CARHSP1: variants seen among roughly 807,000 people sequenced by gnomAD.
CARHSP1 encodes calcium-regulated heat-stable protein 1.
Under a neutral mutation model 12.5 loss-of-function variants are expected in CARHSP1, and 14 were observed. The observed-to-expected ratio is 1.12, with a 90% CI of 0.74 to 1.75. The LOEUF is 1.75. CARHSP1 is among the 40% of genes most tolerant of loss of function. The pLI, the probability that CARHSP1 is intolerant of heterozygous loss-of-function variation, is 0.00. For missense variants in CARHSP1, 343 were observed against 201.6 expected (o/e 1.70, Z -4.25); for synonymous variants, 161 against 82.0 (o/e 1.96, Z -5.20).
intron 1 of CARHSP1, among the ~76,000 whole-genome samples, chr16:8,862,681 C>T (rs1340865822): frequency 5.3e-5 from 8 of 152,106 alleles, no homozygotes; most frequent in Admixed American, 5.2e-4. Flanking sequence ...AGGGAACAGC[C>T]TGTGCAAAGG....
intron 3 of CARHSP1, chr16:8,857,911 G>A (rs1302904810): frequency 2.5e-5 from 4 of 161,732 alleles, no homozygotes; most frequent in Admixed American, 5.9e-5. Context: ...ACAGGTGCCC[G>A]CCACCATGCC....
intron 3 of CARHSP1, 122 bp downstream of exon 3, chr16:8,858,228 A>G: frequency 8.3e-7 from 1 of 1,200,784 alleles, no homozygotes; most frequent in Non-Finnish European, 1.2e-6. Context: ...AGGCAGAGTC[A>G]CACAGGCCCA....
chr16:8,855,065 A>T lies in CARHSP1; in HGVS notation c.*99T>A. On this transcript the variant is annotated 3_prime_UTR_variant, in exon 4 of 4. Transcript: ENST00000311052. ...CTTGAGAGGGACCATGCCCGGCTGA[A>T]GCCCCGTCTCGTGTGGAAGAATGTC... The T allele has an allele frequency of 8.9e-7, 1 of 1,128,034 alleles. No individual in the cohort carries two copies. Among genetic ancestry groups the T allele is most frequent in the Non-Finnish European group, 1.2e-6 (1 of 830,380 alleles). The allele number at this position is 1,128,034 out of a possible 1,614,324, so 69.9% of individuals were successfully genotyped here. A position where few individuals can be genotyped will look rare whatever the true frequency, so the allele number is the denominator to read the frequency against.
chr16:8,855,191 G>A lies in CARHSP1; in HGVS notation c.417C>T (p.Thr139=), dbSNP rs767320978. The part of the protein sequence containing the change: ...THLAPGTKHE[T]WSGHVISS ...AGGAGCTGATGACATGTCCAGACCA[G>A]GTCTCATGCTTGGTGCCTGGTGCCA... The change falls in exon 4 of 4, where the codon ACC becomes ACT. Residue 139 remains threonine (T), a synonymous_variant. Coordinates refer to ENST00000311052, the MANE Select transcript of CARHSP1 (RefSeq NM_014316.4). The A allele has an allele frequency of 6.2e-7, 1 of 1,611,500 alleles. No homozygotes were observed. Among genetic ancestry groups the A allele is most frequent in the Middle Eastern group, 1.7e-4 (1 of 6,052 alleles).
At chr16:8,866,540 G>A (rs759319900) in intron 1 of CARHSP1, 39 of 880,016 alleles carry the variant, frequency 4.4e-5, no homozygotes, top group Admixed American at 1.2e-4. Flanking sequence ...GCCGAGAGGC[G>A]GGGCGGGTCA....
intron 1 of CARHSP1, chr16:8,860,470 G>C: frequency 1.0e-6 from 1 of 985,402 alleles, no homozygotes; most frequent in Non-Finnish European, 1.2e-6. Flanking sequence ...GAAGGTGTCG[G>C]CTCTAACGTG....
chr16:8,859,347 A>G lies in CARHSP1; in HGVS notation c.-7-12T>C. 1 of 1,594,958 alleles carries G rather than the reference A, an allele frequency of 6.3e-7. No homozygotes were observed. Among genetic ancestry groups the G allele is most frequent in the Non-Finnish European group, 8.5e-7 (1 of 1,177,028 alleles). On this transcript the variant is annotated splice_polypyrimidine_tract_variant and intron_variant, in intron 1 of 3. Transcript: ENST00000311052. Reference sequence around the variant, plus strand: ...ATGACATGGCTGACCTGGAAAGAGAAGAGGCTGTCAGGGGCTCGTGCCTTG... The same window carrying G: ...ATGACATGGCTGACCTGGAAAGAGAGGAGGCTGTCAGGGGCTCGTGCCTTG...
At chr16:8,860,187 T>A in intron 1 of CARHSP1, 1 of 985,418 alleles carries the variant, frequency 1.0e-6, no homozygotes, top group Non-Finnish European at 1.2e-6. Context: ...TGAGCAGCTG[T>A]CACAAGCCTG....
At position 8,859,215 on chromosome 16, in the gene CARHSP1, C is replaced by A; in HGVS notation, c.114G>T (p.Val38=). The change falls in exon 2 of 4, where the codon GTG becomes GTT. Residue 38 remains valine, a synonymous_variant. Transcript: ENST00000311052. ...GGCGAGTGGGCAGTGGGCTTGGGACCACGTTGCCCCGCAGAGGGGATGGTG... is the reference window on the plus strand; with the variant it reads ...GGCGAGTGGGCAGTGGGCTTGGGACAACGTTGCCCCGCAGAGGGGATGGTG... ...ERSPSPLRGN[V]VPSPLPTRRT... 6.2e-7 allele frequency: 1 copy of A among 1,602,480 alleles called. No individual in the cohort carries two copies. The highest frequency in any genetic ancestry group is 8.5e-7 in the Non-Finnish European group (1 of 1,176,264).
chr16:8,863,112 C>CT (rs71155412), intron 1 of CARHSP1, among the ~76,000 whole-genome samples: 27,487 of 73,888 alleles, frequency 0.37, 7,661 homozygotes, highest in Non-Finnish European at 0.47. Flanking sequence ...ACAAGGATGG[C>CT]TTTTTTTTTT....
rs1384287323 is a variant in CARHSP1 at position 8,853,536 on chromosome 16, C to G, written c.*1628G>C. The G allele has an allele frequency of 6.6e-6, 1 of 152,190 alleles. No homozygotes were observed. The highest frequency in any genetic ancestry group is 1.5e-5 in the Non-Finnish European group (1 of 68,046). 9.4% of individuals were successfully genotyped at this position (152,190 alleles called of 1,614,324 possible). ...CTTCCACCCCCTTAGGCTGAAAGGA[C>G]AAACTCATCAGAGTTGAGGAGTACC... On this transcript the variant is annotated 3_prime_UTR_variant, in exon 4 of 4. Coordinates refer to ENST00000311052, the MANE Select transcript of CARHSP1 (RefSeq NM_014316.4).
chr16:8,866,341 G>T, intron 1 of CARHSP1: 2 of 751,482 alleles, frequency 2.7e-6, no homozygotes, highest in African/African-American at 1.9e-5. Flanking sequence ...CCATCTCACA[G>T]CCCAAGGCTT....
chr16:8,860,424 A>C (rs2061315101), intron 1 of CARHSP1: 9 of 985,306 alleles, frequency 9.1e-6, no homozygotes, highest in Non-Finnish European at 1.1e-5. Context: ...AGAGCAGGAC[A>C]CTCGCTGTAC....
intron 1 of CARHSP1, among the ~76,000 whole-genome samples, chr16:8,862,225 G>C (rs978378544): frequency 6.6e-6 from 1 of 151,824 alleles, no homozygotes; most frequent in Non-Finnish European, 1.5e-5. Context: ...TCTTGTACAA[G>C]TTACTTAATC....
At chr16:8,864,615 G>T (rs917794709) in intron 1 of CARHSP1, among the ~76,000 whole-genome samples, 1 of 152,210 alleles carries the variant, frequency 6.6e-6, no homozygotes, top group Non-Finnish European at 1.5e-5. Context: ...CGGAGAAAAA[G>T]CCAGCAGGGT....
At position 8,853,425 on chromosome 16, in the gene CARHSP1, T is replaced by C. The variant is rs1058927; in HGVS notation, c.*1739A>G. 67,629 of 151,748 alleles carry C rather than the reference T, an allele frequency of 0.45. 15,506 individuals are homozygous for C. Among genetic ancestry groups the C allele is most frequent in the African/African-American group, 0.56 (23,002 of 41,336 alleles). 9.4% of individuals were successfully genotyped at this position (151,748 alleles called of 1,614,324 possible). On this transcript the variant is annotated 3_prime_UTR_variant, in exon 4 of 4. Coordinates refer to ENST00000311052, the MANE Select transcript of CARHSP1 (RefSeq NM_014316.4). Reference sequence around the variant, plus strand: ...AGGAGCATCGCAGGCGAGGAAACAATGGCCAGGACCTAACTGTGGTGGGAA... The same window carrying C: ...AGGAGCATCGCAGGCGAGGAAACAACGGCCAGGACCTAACTGTGGTGGGAA...
chr16:8,861,536 G>A (rs1168586414), intron 1 of CARHSP1: 5 of 1,112,808 alleles, frequency 4.5e-6, no homozygotes, highest in Admixed American at 4.7e-5. Flanking sequence ...GCTCAGAGGA[G>A]AAGGGATGCC....
chr16:8,860,304 A>C, intron 1 of CARHSP1: 2 of 983,390 alleles, frequency 2.0e-6, no homozygotes, highest in Non-Finnish European at 2.4e-6. Context: ...AGCCCGGGTC[A>C]CCACGCTGTT....
chr16:8,861,784 C>T (rs1284967933), intron 1 of CARHSP1: 3 of 1,265,246 alleles, frequency 2.4e-6, no homozygotes, highest in African/African-American at 3.1e-5. Context: ...GCATGACCTA[C>T]CAGCACAGGT....
Sources: gnomAD v4.1 joint callset for allele counts (sites outside exome capture counted in the v4.1 genomes callset) on GRCh38, gnomAD v4.1.1 for gene constraint, MANE v1.5 for transcripts, NCBI Gene and HGNC (gene_info 2026-07-23, HGNC 2026-07-21) for gene names.